CDH18: variants seen among roughly 807,000 people sequenced by gnomAD.
The protein encoded by CDH18 is cadherin 18.
A neutral mutation model predicts 67.9 loss-of-function variants in CDH18; 31 were observed. The ratio of observed to expected loss-of-function variants is 0.46; its 90% CI spans 0.34 to 0.62. The LOEUF is 0.62. Among genes scored for constraint, CDH18 ranks in the 20% least tolerant of loss-of-function variants. The pLI is 0.01. For missense variants in CDH18, 890 were observed against 975.5 expected (o/e 0.91, Z 1.17); for synonymous variants, 362 against 347.2 (o/e 1.04, Z -0.48).
At chr5:19,657,125 C>G (rs1756515391) in intron 5 of CDH18, among the ~76,000 whole-genome samples, 1 of 152,024 alleles carries the variant, frequency 6.6e-6, no homozygotes. Context: ...AAAATCTAAT[C>G]AGAATCTAGT....
chr5:19,484,657 C>T (rs767171393), intron 11 of CDH18, among the ~76,000 whole-genome samples: 29 of 152,202 alleles, frequency 1.9e-4, no homozygotes, highest in Non-Finnish European at 3.8e-4. Context: ...TGGGCCATCC[C>T]CCTTCCTGCA....
At chr5:20,509,297 A>G (rs934164568) in intron 1 of CDH18, among the ~76,000 whole-genome samples, 19 of 151,998 alleles carry the variant, frequency 1.3e-4, no homozygotes, top group Admixed American at 1.0e-3. Context: ...AAACTTTTTT[A>G]GATACTACAT....
chr5:20,504,933 A>T (rs947412415), intron 1 of CDH18, among the ~76,000 whole-genome samples: 1 of 151,880 alleles, frequency 6.6e-6, no homozygotes, highest in African/African-American at 2.4e-5. Flanking sequence ...ACGCCCGGCT[A>T]ATTTTTTGTA....
chr5:20,009,825 T>C (rs1246116275), intron 2 of CDH18, among the ~76,000 whole-genome samples: 1 of 152,150 alleles, frequency 6.6e-6, no homozygotes, highest in Admixed American at 6.6e-5. Flanking sequence ...ATTTGCTTCT[T>C]GTTCTTTGTT....
intron 5 of CDH18, among the ~76,000 whole-genome samples, chr5:19,704,405 A>T (rs1321643242): frequency 6.6e-6 from 1 of 152,110 alleles, no homozygotes; most frequent in Non-Finnish European, 1.5e-5. Flanking sequence ...TTTTGTACCT[A>T]TAAATTTATG....
chr5:20,084,625 A>C (rs955702734), intron 2 of CDH18, among the ~76,000 whole-genome samples: 2 of 152,102 alleles, frequency 1.3e-5, no homozygotes, highest in African/African-American at 4.8e-5. Flanking sequence ...CCTGTAGCAA[A>C]CTTGTGCCTG....
Position 20,410,845 on chromosome 5 carries a change from C to T in CDH18, c.-579-155340G>A, listed in dbSNP as rs74495493. 8.2e-3 allele frequency among the ~76,000 whole-genome samples: 1,247 copies of T among 151,766 alleles called. 34 individuals carry two copies. Among genetic ancestry groups the T allele is most frequent in the Admixed American group, 0.047 (714 of 15,240 alleles). ...ACGTGAAAAGGAAATTAGAAAATAT[C>T]ATTCACAATAGTATTAAAGGAATAA... On this transcript the variant is annotated intron_variant, in intron 1 of 14. Transcript: ENST00000507958.
At chr5:19,787,036 A>G (rs994522013) in intron 3 of CDH18, among the ~76,000 whole-genome samples, 4 of 152,128 alleles carry the variant, frequency 2.6e-5, no homozygotes, top group Non-Finnish European at 4.4e-5. Context: ...AACTGATACA[A>G]CTAGAAGTAG....
chr5:20,422,651 C>T (rs1300233536), intron 1 of CDH18, among the ~76,000 whole-genome samples: 3 of 150,970 alleles, frequency 2.0e-5, no homozygotes, highest in Non-Finnish European at 4.4e-5. Flanking sequence ...AACACAAATT[C>T]AAAAATCAAA....
intron 1 of CDH18, among the ~76,000 whole-genome samples, chr5:20,307,114 A>G (rs889132016): frequency 6.6e-6 from 1 of 152,162 alleles, no homozygotes; most frequent in South Asian, 2.1e-4. Flanking sequence ...GATAAATTAT[A>G]TAATATAATG....
At chr5:20,448,236 T>G (rs1484331390) in intron 1 of CDH18, among the ~76,000 whole-genome samples, 1 of 152,038 alleles carries the variant, frequency 6.6e-6, no homozygotes, top group African/African-American at 2.4e-5. Context: ...AATTCATCAT[T>G]TTTTATGGCT....
At chr5:20,096,153 A>G (rs114384604) in intron 2 of CDH18, among the ~76,000 whole-genome samples, 1,791 of 152,278 alleles carry the variant, frequency 0.012, 27 homozygotes, top group African/African-American at 0.041. Flanking sequence ...CATCTTTTAT[A>G]TGCCAGTTGA....
At chr5:20,108,418 CCAAA>C (rs1274681552) in intron 2 of CDH18, among the ~76,000 whole-genome samples, 1 of 152,048 alleles carries the variant, frequency 6.6e-6, no homozygotes, top group Non-Finnish European at 1.5e-5. Flanking sequence ...GGCCCTATCT[CCAAA>C]CAGTCTTATT....
At chr5:19,921,329 C>A (rs62352223) in intron 2 of CDH18, among the ~76,000 whole-genome samples, 46,850 of 151,624 alleles carry the variant, frequency 0.31, 8,378 homozygotes, top group South Asian at 0.43. Context: ...CAGGAGATTG[C>A]GACTATCCTG....
At chr5:19,999,459 G>A (rs1032524339) in intron 2 of CDH18, among the ~76,000 whole-genome samples, 6 of 152,030 alleles carry the variant, frequency 3.9e-5, no homozygotes, top group Non-Finnish European at 8.8e-5. Flanking sequence ...AAGATTAGCC[G>A]GGCATGGTGG....
intron 1 of CDH18, among the ~76,000 whole-genome samples, chr5:20,443,259 A>G (rs1749767652): frequency 6.6e-6 from 1 of 151,246 alleles, no homozygotes; most frequent in Non-Finnish European, 1.5e-5. Flanking sequence ...AAGAGTGACT[A>G]AGAAAGCTAA....
At chr5:20,145,879 T>A (rs1750606638) in intron 2 of CDH18, among the ~76,000 whole-genome samples, 1 of 152,166 alleles carries the variant, frequency 6.6e-6, no homozygotes, top group Non-Finnish European at 1.5e-5. Context: ...CCCTCACACA[T>A]TTAAAACTCT....
At position 19,929,180 on chromosome 5, in the gene CDH18, G is replaced by A. The variant is rs191096649; in HGVS notation, c.-257+51880C>T. Among the ~76,000 whole-genome samples, 157 of 152,058 alleles carry A rather than the reference G, an allele frequency of 1.0e-3. 1 individual carries two copies. Among genetic ancestry groups the A allele is most frequent in the African/African-American group, 3.6e-3 (150 of 41,488 alleles). ...AGAAAACTGGCCCTGACTCATCTTC[G>A]TGACTAGCAATCTCATGGTTATGAG... On this transcript the variant is annotated intron_variant, in intron 2 of 12. Coordinates refer to ENST00000382275, the MANE Select transcript of CDH18 (RefSeq NM_004934.5).
At chr5:20,527,671 G>A (rs1199677247) in intron 1 of CDH18, among the ~76,000 whole-genome samples, 1 of 152,016 alleles carries the variant, frequency 6.6e-6, no homozygotes, top group Non-Finnish European at 1.5e-5. Context: ...AGCTTTATAA[G>A]AGAAGGAGAA....
Sources: allele counts gnomAD v4.1 joint callset (sites outside exome capture counted in the v4.1 genomes callset), GRCh38; gene constraint gnomAD v4.1.1; transcripts MANE v1.5; gene names NCBI Gene and HGNC (gene_info 2026-07-23, HGNC 2026-07-21).